The following MARCHF6 variants were observed in gnomAD, a reference collection of about 807,000 sequenced individuals.
MARCHF6 encodes the protein E3 ubiquitin-protein ligase MARCHF6.
A neutral mutation model predicts 133.7 loss-of-function variants in MARCHF6; 31 were observed. The observed-to-expected ratio is 0.23, with a 90% confidence interval of 0.17 to 0.31. The LOEUF is 0.31. Ranked by LOEUF, MARCHF6 falls within the 10% of genes least tolerant of loss-of-function variation. The pLI is 1.00. For synonymous variants in MARCHF6, 395 were observed against 402.5 expected, an observed-to-expected ratio of 0.98 and a Z score of 0.22; for missense variants, 723 against 1,121.6, an observed-to-expected ratio of 0.64 and a Z score of 5.08.
chr5:10,365,607 TA>T (rs1161204753), intron 1 of MARCHF6, among the ~76,000 whole-genome samples: 1 of 152,230 alleles, frequency 6.6e-6, no homozygotes, highest in Non-Finnish European at 1.5e-5. Flanking sequence ...TTGGAATTTT[TA>T]AACTGTGTTT....
At position 10,435,666 on chromosome 5, in the gene MARCHF6, TATATATATATATATATATATATATATATA is replaced by T. The variant is rs1740604560; in HGVS notation, c.*1983_*2011del. The T allele has an allele frequency of 6.6e-4, 8 of 12,092 alleles. No homozygotes were observed. Among genetic ancestry groups the T allele is most frequent in the South Asian group, 4.8e-3 (2 of 416 alleles). 0.7% of individuals were successfully genotyped at this position (12,092 alleles called of 1,614,324 possible). Reference sequence around the variant, plus strand: ...ATATATATATATATATATATATATATATATATATATATATATATATATATATATATATTTTTTTTTTTTTTTTTTTTTTT... The same window carrying T: ...ATATATATATATATATATATATATATTATTTTTTTTTTTTTTTTTTTTTTT... On this transcript the variant is annotated 3_prime_UTR_variant, in exon 26 of 26. Transcript: ENST00000274140.
intron 25 of MARCHF6, 84 bp downstream of exon 25, chr5:10,430,112 A>ATGT: frequency 6.9e-7 from 1 of 1,445,594 alleles, no homozygotes; most frequent in Non-Finnish European, 9.5e-7. Flanking sequence ...CATAGGAGGG[A>ATGT]AACATGCTCA....
At chr5:10,417,204 A>T in intron 21 of MARCHF6, 66 bp from the exon 22 acceptor site, 3 of 1,567,204 alleles carry the variant, frequency 1.9e-6, no homozygotes, top group Non-Finnish European at 2.6e-6. Flanking sequence ...CTCAAACCTC[A>T]AAATGGAAAT....
intron 17 of MARCHF6, among the ~76,000 whole-genome samples, chr5:10,409,846 T>G (rs1739117487): frequency 6.6e-6 from 1 of 152,160 alleles, no homozygotes; most frequent in African/African-American, 2.4e-5. Flanking sequence ...GCTGTTTGGA[T>G]GTGAGGTGTC....
chr5:10,389,098 C>G (rs763588334), intron 5 of MARCHF6, among the ~76,000 whole-genome samples: 1 of 151,890 alleles, frequency 6.6e-6, no homozygotes, highest in Non-Finnish European at 1.5e-5. Flanking sequence ...ATTGACCCTT[C>G]TCAGGTTTTC....
At chr5:10,411,025 A>G (rs1448350277) in intron 18 of MARCHF6, among the ~76,000 whole-genome samples, 2 of 144,898 alleles carry the variant, frequency 1.4e-5, no homozygotes, top group Non-Finnish European at 3.0e-5. Flanking sequence ...TGTACTTACA[A>G]GTGTACTTGT....
In MARCHF6 at chr5:10,430,047, T is replaced by G. The variant is rs777099251; in HGVS notation, c.2642+19T>G. The G allele has an allele frequency of 3.7e-6, 6 of 1,600,132 alleles. No homozygotes were observed. Among genetic ancestry groups the G allele is most frequent in the Non-Finnish European group, 5.1e-6 (6 of 1,169,518 alleles). On this transcript the variant is annotated intron_variant, in intron 25 of 25. Transcript: ENST00000274140. The stretch of plus-strand genomic sequence containing the variant: ...ATGACAAGTAAGTCTGGCGTTCTGT[T>G]CGTCTCTTGTTTAAGTGTTTTCACT...
At chr5:10,388,145 T>C (rs997949256) in intron 5 of MARCHF6, among the ~76,000 whole-genome samples, 1 of 152,178 alleles carries the variant, frequency 6.6e-6, no homozygotes, top group African/African-American at 2.4e-5. Context: ...TCTCACCTGA[T>C]AGGCTTGAGG....
intron 10 of MARCHF6, 133 bp downstream of exon 10, chr5:10,397,477 G>T: frequency 1.6e-6 from 1 of 633,990 alleles, no homozygotes; most frequent in Non-Finnish European, 2.5e-6. Flanking sequence ...AATAGTTTCA[G>T]ATACAAACCC....
At chr5:10,430,305 G>GTTTTT (rs576172086) in intron 25 of MARCHF6, among the ~76,000 whole-genome samples, 4 of 133,516 alleles carry the variant, frequency 3.0e-5, no homozygotes, top group Non-Finnish European at 3.3e-5. Context: ...TTTGGTGGTG[G>GTTTTT]TTTTTTTTTT....
At chr5:10,429,121 T>C (rs1001736384) in intron 24 of MARCHF6, among the ~76,000 whole-genome samples, 3 of 152,194 alleles carry the variant, frequency 2.0e-5, no homozygotes, top group East Asian at 1.9e-4. Context: ...CACACTATTG[T>C]GGTGTTTGGA....
At chr5:10,427,954 C>CA in intron 24 of MARCHF6, among the ~76,000 whole-genome samples, 1 of 152,280 alleles carries the variant, frequency 6.6e-6, no homozygotes, top group South Asian at 2.1e-4. Flanking sequence ...CCTGTAATCT[C>CA]AGCTGCCCTG....
At chr5:10,420,071 T>C (rs911529623) in intron 22 of MARCHF6, among the ~76,000 whole-genome samples, 3 of 151,772 alleles carry the variant, frequency 2.0e-5, no homozygotes, top group Non-Finnish European at 4.4e-5. Flanking sequence ...TTGCTACCCA[T>C]CTGGGGCTGT....
At chr5:10,421,068 T>A (rs984412740) in intron 22 of MARCHF6, among the ~76,000 whole-genome samples, 1 of 152,250 alleles carries the variant, frequency 6.6e-6, no homozygotes, top group Non-Finnish European at 1.5e-5. Context: ...GTTCTAGTTA[T>A]ACTTGTATTT....
intron 1 of MARCHF6, among the ~76,000 whole-genome samples, chr5:10,358,325 T>A (rs1169238219): frequency 1.3e-5 from 2 of 152,160 alleles, no homozygotes; most frequent in South Asian, 4.1e-4. Flanking sequence ...CTTCATTGAC[T>A]TTTATAGTGA....
chr5:10,421,115 A>G (rs1739801327), intron 22 of MARCHF6, among the ~76,000 whole-genome samples: 1 of 152,226 alleles, frequency 6.6e-6, no homozygotes, highest in Non-Finnish European at 1.5e-5. Flanking sequence ...TACTTCTGAA[A>G]TCATCATCAC....
intron 1 of MARCHF6, 63 bp downstream of exon 1, chr5:10,353,980 G>T: frequency 3.4e-6 from 5 of 1,487,278 alleles, no homozygotes; most frequent in Non-Finnish European, 4.5e-6. Flanking sequence ...ACCCCGGCCA[G>T]GTCCGCGGCG....
intron 5 of MARCHF6, among the ~76,000 whole-genome samples, chr5:10,388,887 T>C (rs1454197091): frequency 2.0e-5 from 3 of 152,078 alleles, no homozygotes; most frequent in Non-Finnish European, 4.4e-5. Flanking sequence ...TAACAAACAG[T>C]TAGGATTATT....
At chr5:10,391,408 C>G in intron 6 of MARCHF6, 134 bp from the exon 7 acceptor site, 1 of 605,764 alleles carries the variant, frequency 1.7e-6, no homozygotes, top group Non-Finnish European at 2.7e-6. Flanking sequence ...GCTAGGATTA[C>G]AGGCATGAGC....
Sources: gnomAD v4.1 joint callset for allele counts (sites outside exome capture counted in the v4.1 genomes callset) on GRCh38, gnomAD v4.1.1 for gene constraint, MANE v1.5 for transcripts, NCBI Gene and HGNC (gene_info 2026-07-23, HGNC 2026-07-21) for gene names.